DPP10: variants seen among roughly 807,000 people sequenced by gnomAD.
DPP10 encodes inactive dipeptidyl peptidase 10.
DPP10 carries 33 observed loss-of-function variants against 120.9 expected under a neutral mutation model. The observed-to-expected ratio is 0.27, with a 90% confidence interval of 0.21 to 0.37. The LOEUF (loss-of-function observed/expected upper bound fraction) is 0.37. DPP10 is among the 10% of genes least tolerant of loss of function. The pLI is 1.00. For missense variants in DPP10, 816 were observed against 942.8 expected (o/e 0.87, Z 1.76); for synonymous variants, 337 against 326.1 (o/e 1.03, Z -0.36).
chr2:114,708,927 G>T (rs1305369491), intron 1 of DPP10, among the ~76,000 whole-genome samples: 1 of 151,962 alleles, frequency 6.6e-6, no homozygotes, highest in Admixed American at 6.6e-5. Context: ...AGCTAATTTT[G>T]TATTTTTTAG....
At chr2:115,806,442 T>A (rs1316872949) in intron 19 of DPP10, among the ~76,000 whole-genome samples, 1 of 152,190 alleles carries the variant, frequency 6.6e-6, no homozygotes, top group African/African-American at 2.4e-5. Context: ...ATGCAAAAAC[T>A]CAGCTAAGGT....
Position 115,004,797 on chromosome 2 carries a change from G to A in DPP10, c.61-304442G>A, listed in dbSNP as rs552778197. Among the ~76,000 whole-genome samples, 20 of 152,200 alleles carry A rather than the reference G, an allele frequency of 1.3e-4. 1 individual carries two copies. The South Asian group carries it at 3.7e-3, about 28-fold the overall frequency. ...GCGGCAGCGAGGCTGGGGGAGGGGC[G>A]CCCACCATTGCCCAGGCTTGCTTAG... On this transcript the variant is annotated intron_variant, in intron 1 of 25. Coordinates refer to ENST00000410059, the MANE Select transcript of DPP10 (RefSeq NM_020868.6).
At chr2:115,533,849 C>T (rs1449589543) in intron 5 of DPP10, among the ~76,000 whole-genome samples, 1 of 151,980 alleles carries the variant, frequency 6.6e-6, no homozygotes, top group African/African-American at 2.4e-5. Flanking sequence ...TGCTGAACTG[C>T]CTTCCTATGT....
At chr2:114,972,884 A>G (rs976457729) in intron 1 of DPP10, among the ~76,000 whole-genome samples, 2 of 152,224 alleles carry the variant, frequency 1.3e-5, no homozygotes, top group African/African-American at 4.8e-5. Context: ...GTTCTTTTGG[A>G]AGGACGAAGG....
intron 1 of DPP10, among the ~76,000 whole-genome samples, chr2:114,857,265 A>G (rs1689447087): frequency 1.3e-5 from 2 of 152,240 alleles, no homozygotes; most frequent in African/African-American, 2.4e-5. Flanking sequence ...TTACTGTAGT[A>G]TAGAAAAACA....
At chr2:114,878,913 T>C (rs758476280) in intron 1 of DPP10, among the ~76,000 whole-genome samples, 8 of 152,144 alleles carry the variant, frequency 5.3e-5, no homozygotes, top group Non-Finnish European at 1.0e-4. Context: ...AGATTATATA[T>C]TCATTTACAA....
At chr2:115,382,088 A>T (rs2066425320) in intron 3 of DPP10, among the ~76,000 whole-genome samples, 2 of 150,388 alleles carry the variant, frequency 1.3e-5, no homozygotes, top group African/African-American at 2.4e-5. Context: ...CACCCAGTTC[A>T]GTTGGAGCTT....
At chr2:115,740,019 A>T in intron 9 of DPP10, 126 bp downstream of exon 9, 1 of 1,043,402 alleles carries the variant, frequency 9.6e-7, no homozygotes. Context: ...TACTTGTCAG[A>T]CTCATCACTT....
At chr2:115,020,446 C>T (rs1466916051) in intron 1 of DPP10, among the ~76,000 whole-genome samples, 1 of 151,980 alleles carries the variant, frequency 6.6e-6, no homozygotes, top group Admixed American at 6.6e-5. Flanking sequence ...AAGAAATAGT[C>T]CAACAGGAAA....
At chr2:115,256,053 C>T (rs2058972367) in intron 1 of DPP10, among the ~76,000 whole-genome samples, 2 of 152,148 alleles carry the variant, frequency 1.3e-5, no homozygotes, top group Non-Finnish European at 2.9e-5. Context: ...GTAGTTTGTT[C>T]TCATGCTGCT....
chr2:115,199,715 A>G (rs1420266650), intron 1 of DPP10, among the ~76,000 whole-genome samples: 1 of 152,198 alleles, frequency 6.6e-6, no homozygotes, highest in Admixed American at 6.5e-5. Context: ...ATGTATCAAG[A>G]CTGAAGAGAT....
At chr2:115,491,336 G>A (rs1199661071) in intron 3 of DPP10, among the ~76,000 whole-genome samples, 2 of 152,062 alleles carry the variant, frequency 1.3e-5, no homozygotes, top group East Asian at 3.9e-4. Flanking sequence ...TGGTATAAGA[G>A]TTATAGAGGA....
At chr2:114,711,332 A>G (rs573481155) in intron 1 of DPP10, among the ~76,000 whole-genome samples, 120 of 152,274 alleles carry the variant, frequency 7.9e-4, no homozygotes, top group Non-Finnish European at 1.1e-3. Context: ...TCAGAAGAAG[A>G]TTTAGGAGGA....
At chr2:115,814,690 C>T (rs2150035304) in intron 19 of DPP10, 103 bp from the exon 20 acceptor site, 2 of 891,516 alleles carry the variant, frequency 2.2e-6, no homozygotes, top group South Asian at 3.8e-5. Flanking sequence ...TTTTAATAGC[C>T]AGCACAGTTC....
At chr2:114,501,221 C>T (rs1452099549) in intron 1 of DPP10, among the ~76,000 whole-genome samples, 1 of 152,112 alleles carries the variant, frequency 6.6e-6, no homozygotes, top group African/African-American at 2.4e-5. Flanking sequence ...TTTGTCTCAG[C>T]TGGCACCTCC....
chr2:115,209,305 T>C (rs1343399949), intron 1 of DPP10, among the ~76,000 whole-genome samples: 2 of 152,068 alleles, frequency 1.3e-5, no homozygotes, highest in Non-Finnish European at 2.9e-5. Context: ...TGGCAGAAAA[T>C]GAAGCTATTT....
At chr2:115,206,132 G>A (rs2056107107) in intron 1 of DPP10, among the ~76,000 whole-genome samples, 1 of 152,094 alleles carries the variant, frequency 6.6e-6, no homozygotes, top group Non-Finnish European at 1.5e-5. Context: ...CATATACATG[G>A]TATGTATATA....
At chr2:115,705,835 T>C (rs35066384) in intron 7 of DPP10, among the ~76,000 whole-genome samples, 41,283 of 151,698 alleles carry the variant, frequency 0.27, 5,847 homozygotes, top group African/African-American at 0.32. Context: ...CTTACCACAT[T>C]GTAGTATTGC....
At chr2:115,260,855 G>A (rs115669313) in intron 1 of DPP10, among the ~76,000 whole-genome samples, 2,059 of 152,254 alleles carry the variant, frequency 0.014, 50 homozygotes, top group African/African-American at 0.048. Flanking sequence ...GGGTTCATAA[G>A]TTCATTCAAT....
Sources: gnomAD v4.1 joint callset for allele counts (sites outside exome capture counted in the v4.1 genomes callset) on GRCh38, gnomAD v4.1.1 for gene constraint, MANE v1.5 for transcripts, NCBI Gene and HGNC (gene_info 2026-07-23, HGNC 2026-07-21) for gene names.